COL6A1: variants seen among roughly 807,000 people sequenced by gnomAD.
The protein encoded by COL6A1 is collagen type VI alpha 1 chain.
COL6A1 carries 80 observed loss-of-function variants against 145.6 expected under a neutral mutation model. That is an observed-to-expected ratio of 0.55 (90% CI 0.46 to 0.66). The LOEUF is 0.66. Ranked by LOEUF, COL6A1 falls within the 30% of genes least tolerant of loss-of-function variation. The pLI is 0.00. For synonymous variants in COL6A1, 638 were observed against 622.8 expected, an observed-to-expected ratio of 1.02 and a Z score of -0.36; for missense variants, 1,364 against 1,473.8, an observed-to-expected ratio of 0.93 and a Z score of 1.22.
chr21:45,984,801 G>GAC (rs1387360944), intron 3 of COL6A1, among the ~76,000 whole-genome samples: 2 of 151,604 alleles, frequency 1.3e-5, no homozygotes, highest in African/African-American at 4.9e-5. Flanking sequence ...CACAGAGAGA[G>GAC]ACACAGAGAG....
chr21:45,986,705 G>A lies in COL6A1; in HGVS notation c.588+20G>A, dbSNP rs761605481. 1.0e-5 allele frequency: 16 copies of A among 1,536,844 alleles called. No homozygotes were observed. The highest frequency in any genetic ancestry group is 4.8e-5 in the South Asian group (4 of 83,552). Reference sequence around the variant, plus strand: ...CACCTGGTAGGCACCGGCCCCCCCCGGCAGATGCCCCCAACCACAGGGAGT... The same window carrying A: ...CACCTGGTAGGCACCGGCCCCCCCCAGCAGATGCCCCCAACCACAGGGAGT... On this transcript the variant is annotated intron_variant, in intron 4 of 34. Transcript: ENST00000361866.
chr21:46,003,965 C>G lies in COL6A1; in HGVS notation c.3039C>G (p.Leu1013=). The G allele has an allele frequency of 6.2e-7, 1 of 1,613,034 alleles. No individual in the cohort carries two copies. The change falls in exon 35 of 35, where the codon CTC becomes CTG. Residue 1013 remains leucine (L), a synonymous_variant. Transcript: ENST00000361866. ...LFRVPSYQAL[L]RGVFHQTVSR... Reference sequence around the variant, plus strand: ...GTGTCCCCAGCTACCAGGCCCTGCTCCGCGGTGTCTTCCACCAGACAGTCT... The same window carrying G: ...GTGTCCCCAGCTACCAGGCCCTGCTGCGCGGTGTCTTCCACCAGACAGTCT...
At chr21:46,001,424 T>C in intron 30 of COL6A1, 38 bp downstream of exon 30, 1 of 1,603,240 alleles carries the variant, frequency 6.2e-7, no homozygotes, top group Middle Eastern at 1.7e-4. Flanking sequence ...CAAGCCCAGG[T>C]GCACCCCGAC....
In COL6A1 at chr21:45,997,476, G is replaced by A. The variant is rs1239880240; in HGVS notation, c.1454G>A (p.Gly485Glu). The A allele has an allele frequency of 6.2e-7, 1 of 1,611,042 alleles. No individual in the cohort carries two copies. The highest frequency in any genetic ancestry group is 8.5e-7 in the Non-Finnish European group (1 of 1,179,448). Reference protein sequence around the residue: ...KGYRGDEGPPGSEGARGAPGP... With the variant: ...KGYRGDEGPPESEGARGAPGP... Reference sequence around the variant, plus strand: ...TACCGAGGCGATGAGGGTCCCCCAGGGTCCGAGGTGAGTCCCACTCCCCAC... The same window carrying A: ...TACCGAGGCGATGAGGGTCCCCCAGAGTCCGAGGTGAGTCCCACTCCCCAC... Residue 485 changes from glycine (G) to glutamate (E), a missense_variant, in exon 21 of 35, where the codon GGG becomes GAG. By Grantham distance (98) the Gly-to-Glu change is moderately conservative. This residue lies in a region of COL6A1 where 938 missense variants were observed against 1,003.8 expected (regional missense o/e 0.93). Coordinates refer to ENST00000361866, the MANE Select transcript of COL6A1 (RefSeq NM_001848.3).
chr21:46,003,131 C>T lies in COL6A1; in HGVS notation c.2446C>T (p.Pro816Ser), dbSNP rs1272076971. Residue 816 changes from proline (P) to serine (S), a missense_variant, in exon 34 of 35, where the codon CCA (proline) becomes TCA (serine). By Grantham distance (74) the Pro-to-Ser change is moderately conservative (BLOSUM62 -1). Transcript: ENST00000361866. ...TTTCTCTTTTACAGACAAGAAGTGTCCAGATTACACCTGCCCCAGTGAGTA... is the reference window on the plus strand; with the variant it reads ...TTTCTCTTTTACAGACAAGAAGTGTTCAGATTACACCTGCCCCAGTGAGTA... ...TAQICIDKKC[P>S]DYTCPITFSS... 6.2e-7 allele frequency: 1 copy of T among 1,613,964 alleles called. No individual in the cohort carries two copies. Among genetic ancestry groups the T allele is most frequent in the Non-Finnish European group, 8.5e-7 (1 of 1,179,994 alleles).
At chr21:45,982,486 G>A in intron 1 of COL6A1, 148 bp from the exon 2 acceptor site, 1 of 1,127,580 alleles carries the variant, frequency 8.9e-7, no homozygotes, top group South Asian at 1.3e-5. Context: ...TCCCCACCGA[G>A]GGACGTCCTG....
chr21:45,992,827 G>A lies in COL6A1; in HGVS notation c.1335+17G>A, dbSNP rs957048901. Reference sequence around the variant, plus strand: ...GGAGACCCTGTGAGTCACAGTTCCTGGAGCTGGGAACCACCCCAGGAAGGG... The same window carrying A: ...GGAGACCCTGTGAGTCACAGTTCCTAGAGCTGGGAACCACCCCAGGAAGGG... On this transcript the variant is annotated intron_variant, in intron 19 of 34. Transcript: ENST00000361866. 3.2e-6 allele frequency: 5 copies of A among 1,584,556 alleles called. No homozygotes were observed. In the South Asian group the frequency reaches 4.6e-5, roughly 15 times the overall value.
Sources: gnomAD v4.1 joint callset for allele counts (sites outside exome capture counted in the v4.1 genomes callset) on GRCh38, gnomAD v4.1.1 for gene constraint, gnomAD v4.1.1 regional missense constraint, MANE v1.5 for transcripts, NCBI Gene and HGNC (gene_info 2026-07-23, HGNC 2026-07-21) for gene names.